The following PDZRN4 variants were observed in gnomAD, a reference collection of about 807,000 sequenced individuals.
The protein encoded by PDZRN4 is PDZ domain-containing RING finger protein 4.
In PDZRN4, 70 loss-of-function variants were observed where a neutral mutation model predicts 99.0. The observed-to-expected ratio is 0.71, with a 90% confidence interval of 0.58 to 0.86. The LOEUF (loss-of-function observed/expected upper bound fraction) is 0.86. Among genes scored for constraint, PDZRN4 ranks in the 40% least tolerant of loss-of-function variants. The pLI is 0.00. For synonymous variants in PDZRN4, 551 were observed against 501.6 expected, an observed-to-expected ratio of 1.10 and a Z score of -1.32; for missense variants, 1,474 against 1,331.2, an observed-to-expected ratio of 1.11 and a Z score of -1.67.
intron 3 of PDZRN4, among the ~76,000 whole-genome samples, chr12:41,241,950 T>C (rs1381194723): frequency 1.3e-5 from 2 of 152,188 alleles, no homozygotes; most frequent in Non-Finnish European, 2.9e-5. Flanking sequence ...ATTTAGAAGA[T>C]AGAATGAAGC....
At chr12:41,492,339 C>T (rs1398519618) in intron 3 of PDZRN4, among the ~76,000 whole-genome samples, 3 of 152,122 alleles carry the variant, frequency 2.0e-5, no homozygotes, top group Admixed American at 6.6e-5. Context: ...ACATGACTGC[C>T]TCCCGTTAGA....
chr12:41,348,997 C>T (rs571734055), intron 3 of PDZRN4, among the ~76,000 whole-genome samples: 3 of 151,864 alleles, frequency 2.0e-5, no homozygotes, highest in African/African-American at 7.2e-5. Context: ...ATGATTTTCT[C>T]TTTGGTAACA....
At chr12:41,493,853 T>C (rs916375287) in intron 3 of PDZRN4, among the ~76,000 whole-genome samples, 2 of 148,248 alleles carry the variant, frequency 1.3e-5, no homozygotes, top group African/African-American at 4.9e-5. Flanking sequence ...AGGCACTAAG[T>C]CACCTCCTTT....
intron 3 of PDZRN4, among the ~76,000 whole-genome samples, chr12:41,436,912 G>A (rs1311852728): frequency 2.0e-5 from 3 of 151,986 alleles, no homozygotes; most frequent in African/African-American, 7.3e-5. Context: ...TATTATATAT[G>A]ACTTTAATAA....
chr12:41,374,634 G>C (rs902214859), intron 3 of PDZRN4, among the ~76,000 whole-genome samples: 4 of 152,108 alleles, frequency 2.6e-5, no homozygotes, highest in Admixed American at 6.6e-5. Context: ...CTTGAAGATT[G>C]GTTGAAATTA....
At chr12:41,233,704 C>T (rs1020154796) in intron 3 of PDZRN4, among the ~76,000 whole-genome samples, 9 of 151,766 alleles carry the variant, frequency 5.9e-5, no homozygotes, top group African/African-American at 2.2e-4. Context: ...AACCAAACAC[C>T]GCATGTTCTC....
chr12:41,197,350 T>G (rs563457952), intron 3 of PDZRN4, among the ~76,000 whole-genome samples: 1 of 152,280 alleles, frequency 6.6e-6, no homozygotes, highest in Admixed American at 6.5e-5. Flanking sequence ...ATTTGCATTC[T>G]ATTGATAAAA....
chr12:41,469,082 C>T (rs1952961087), intron 3 of PDZRN4, among the ~76,000 whole-genome samples: 1 of 152,054 alleles, frequency 6.6e-6, no homozygotes, highest in Non-Finnish European at 1.5e-5. Flanking sequence ...CAGGAGGTTA[C>T]TGTGTGGTAC....
intron 3 of PDZRN4, among the ~76,000 whole-genome samples, chr12:41,421,795 A>G (rs1952492826): frequency 6.6e-6 from 1 of 152,176 alleles, no homozygotes; most frequent in Non-Finnish European, 1.5e-5. Flanking sequence ...TGCTAAATAT[A>G]TCCCATCTTA....
chr12:41,267,674 C>CAA (rs5797720), intron 3 of PDZRN4, among the ~76,000 whole-genome samples: 39 of 139,144 alleles, frequency 2.8e-4, no homozygotes, highest in African/African-American at 3.2e-4. Flanking sequence ...ACTAAAAATA[C>CAA]AAAAAAAAAA....
intron 3 of PDZRN4, among the ~76,000 whole-genome samples, chr12:41,231,931 T>C (rs1169194409): frequency 6.6e-6 from 1 of 152,098 alleles, no homozygotes; most frequent in Non-Finnish European, 1.5e-5. Context: ...TGTTTGTAAC[T>C]AAATTTAAAG....
At chr12:41,552,067 A>G (rs1939066120) in intron 5 of PDZRN4, among the ~76,000 whole-genome samples, 1 of 152,170 alleles carries the variant, frequency 6.6e-6, no homozygotes, top group African/African-American at 2.4e-5. Flanking sequence ...CTCTCCCTTC[A>G]GCCTGGATGA....
At chr12:41,220,281 C>T (rs2120722705) in intron 3 of PDZRN4, among the ~76,000 whole-genome samples, 1 of 152,198 alleles carries the variant, frequency 6.6e-6, no homozygotes, top group Middle Eastern at 3.4e-3. Flanking sequence ...TGGCCACCCT[C>T]TTGCTGTGTC....
At chr12:41,432,763 C>A (rs566236639) in intron 3 of PDZRN4, among the ~76,000 whole-genome samples, 35 of 152,234 alleles carry the variant, frequency 2.3e-4, no homozygotes, top group African/African-American at 7.2e-4. Context: ...AAGAAGGAGC[C>A]TTTAAACTGG....
At chr12:41,258,077 C>G (rs912394583) in intron 3 of PDZRN4, among the ~76,000 whole-genome samples, 1 of 152,142 alleles carries the variant, frequency 6.6e-6, no homozygotes, top group Non-Finnish European at 1.5e-5. Flanking sequence ...TGGATTTAGA[C>G]ACAATGAGCT....
chr12:41,250,159 C>T (rs937848889), intron 3 of PDZRN4, among the ~76,000 whole-genome samples: 1 of 152,186 alleles, frequency 6.6e-6, no homozygotes, highest in Non-Finnish European at 1.5e-5. Context: ...CTTCTGACCA[C>T]TCCAGACTCT....
chr12:41,517,592 C>A (rs1209660400), intron 5 of PDZRN4, among the ~76,000 whole-genome samples: 1 of 152,012 alleles, frequency 6.6e-6, no homozygotes, highest in Non-Finnish European at 1.5e-5. Context: ...AGGAGTGTGG[C>A]CCCAGTTCTA....
intron 3 of PDZRN4, among the ~76,000 whole-genome samples, chr12:41,199,688 C>A (rs2120660464): frequency 6.6e-6 from 1 of 152,178 alleles, no homozygotes; most frequent in Middle Eastern, 3.4e-3. Flanking sequence ...CCATAAAAAA[C>A]AAGAATGAAA....
intron 3 of PDZRN4, among the ~76,000 whole-genome samples, chr12:41,253,256 C>T (rs1404802896): frequency 1.3e-5 from 2 of 152,116 alleles, no homozygotes; most frequent in Non-Finnish European, 2.9e-5. Context: ...GCTTAATATC[C>T]TGAAATGTTT....
Sources: gnomAD v4.1 joint callset for allele counts (sites outside exome capture counted in the v4.1 genomes callset) on GRCh38, gnomAD v4.1.1 for gene constraint, MANE v1.5 for transcripts, NCBI Gene and HGNC (gene_info 2026-07-23, HGNC 2026-07-21) for gene names.